Variants in BICC1 observed in about 807,000 individuals in gnomAD.
BICC1 encodes the protein protein bicaudal C homolog 1.
A neutral mutation model predicts 111.0 loss-of-function variants in BICC1; 43 were observed. The observed-to-expected ratio is 0.39, with a 90% CI of 0.30 to 0.50. The LOEUF (loss-of-function observed/expected upper bound fraction) is 0.50, where lower values mean the gene tolerates loss of function less well. BICC1 is among the 20% of genes least tolerant of loss of function. The probability of loss-of-function intolerance (pLI) is 0.88; values close to 1 mark genes in which losing one functional copy is unlikely to be tolerated. For synonymous variants in BICC1, 467 were observed against 434.4 expected, an observed-to-expected ratio of 1.07 and a Z score of -0.93; for missense variants, 1,091 against 1,203.2, an observed-to-expected ratio of 0.91 and a Z score of 1.38.
intron 3 of BICC1, among the ~76,000 whole-genome samples, chr10:58,723,970 C>T (rs1007100837): frequency 6.6e-6 from 1 of 152,186 alleles, no homozygotes; most frequent in African/African-American, 2.4e-5. Context: ...TAATGAATTA[C>T]AACCAAGTAA....
chr10:58,774,711 T>C (rs1420775135), intron 3 of BICC1, among the ~76,000 whole-genome samples: 4 of 152,212 alleles, frequency 2.6e-5, no homozygotes, highest in African/African-American at 9.7e-5. Flanking sequence ...CTGGTTTTTA[T>C]TTCCACCAAA....
At chr10:58,572,538 A>T (rs1843990661) in intron 1 of BICC1, among the ~76,000 whole-genome samples, 1 of 152,120 alleles carries the variant, frequency 6.6e-6, no homozygotes. Context: ...CATTATTTTC[A>T]TGGGGATTTC....
chr10:58,743,581 G>A (rs1013847564), intron 3 of BICC1, among the ~76,000 whole-genome samples: 5 of 151,646 alleles, frequency 3.3e-5, no homozygotes, highest in African/African-American at 1.2e-4. Flanking sequence ...GGAGACAGCA[G>A]CTGTGAAAAC....
intron 3 of BICC1, among the ~76,000 whole-genome samples, chr10:58,707,511 G>A (rs1054650050): frequency 1.3e-5 from 2 of 152,000 alleles, no homozygotes; most frequent in Admixed American, 1.3e-4. Context: ...GAGTGTAAGG[G>A]CATTGTTTGT....
intron 3 of BICC1, among the ~76,000 whole-genome samples, chr10:58,776,922 C>T (rs1842763308): frequency 6.6e-6 from 1 of 152,016 alleles, no homozygotes; most frequent in Non-Finnish European, 1.5e-5. Flanking sequence ...TTTTTCCACC[C>T]TCCGTGTTCC....
chr10:58,654,680 A>C (rs1417748055), intron 2 of BICC1, among the ~76,000 whole-genome samples: 10 of 35,172 alleles, frequency 2.8e-4, no homozygotes, highest in African/African-American at 6.9e-4. Flanking sequence ...GAAGCTCTTT[A>C]GTTTAATTAG....
chr10:58,806,127 T>A (rs1399417369), intron 15 of BICC1, among the ~76,000 whole-genome samples: 1 of 152,172 alleles, frequency 6.6e-6, no homozygotes, highest in Non-Finnish European at 1.5e-5. Context: ...TATCTTGACA[T>A]CATACCACTT....
chr10:58,693,441 C>T (rs1347187071), intron 2 of BICC1, among the ~76,000 whole-genome samples: 2 of 152,196 alleles, frequency 1.3e-5, no homozygotes, highest in Non-Finnish European at 2.9e-5. Flanking sequence ...GCCACACTGA[C>T]TTCCACAATG....
intron 1 of BICC1, among the ~76,000 whole-genome samples, chr10:58,605,687 A>G (rs1227936489): frequency 1.3e-5 from 2 of 152,210 alleles, no homozygotes; most frequent in African/African-American, 2.4e-5. Flanking sequence ...ATGATATGCA[A>G]ATAGTTGTTA....
At chr10:58,775,040 AAC>A (rs1468935322) in intron 3 of BICC1, among the ~76,000 whole-genome samples, 1 of 152,168 alleles carries the variant, frequency 6.6e-6, no homozygotes, top group East Asian at 1.9e-4. Flanking sequence ...TTTTAGAAAA[AAC>A]AGTTTTAAAG....
chr10:58,648,078 C>G (rs1298188683), intron 2 of BICC1, among the ~76,000 whole-genome samples: 1 of 152,028 alleles, frequency 6.6e-6, no homozygotes, highest in African/African-American at 2.4e-5. Context: ...AAAAGATTTT[C>G]GGAAATACAC....
intron 3 of BICC1, among the ~76,000 whole-genome samples, chr10:58,766,399 T>C (rs1300284365): frequency 6.6e-6 from 1 of 152,048 alleles, no homozygotes; most frequent in African/African-American, 2.4e-5. Flanking sequence ...TAGAAGTATG[T>C]GGGAAGGGAG....
chr10:58,684,620 A>C (rs943593428), intron 2 of BICC1, among the ~76,000 whole-genome samples: 1 of 152,228 alleles, frequency 6.6e-6, no homozygotes, highest in Non-Finnish European at 1.5e-5. Flanking sequence ...GTATGTGTCA[A>C]GGAATTTATC....
At chr10:58,695,388 AC>A (rs1840038405) in intron 2 of BICC1, among the ~76,000 whole-genome samples, 1 of 152,168 alleles carries the variant, frequency 6.6e-6, no homozygotes, top group African/African-American at 2.4e-5. Context: ...TGAGGGACAG[AC>A]CTTATTTCTC....
intron 2 of BICC1, among the ~76,000 whole-genome samples, chr10:58,672,314 T>C (rs2132327214): frequency 6.6e-6 from 1 of 152,204 alleles, no homozygotes; most frequent in East Asian, 1.9e-4. Flanking sequence ...CTTACTGGAG[T>C]AAGTCTCTCA....
At chr10:58,613,281 G>A (rs1187509945) in intron 1 of BICC1, among the ~76,000 whole-genome samples, 1 of 152,056 alleles carries the variant, frequency 6.6e-6, no homozygotes, top group African/African-American at 2.4e-5. Context: ...TGGAACATCA[G>A]GCAGACGTTA....
intron 1 of BICC1, among the ~76,000 whole-genome samples, chr10:58,559,766 A>G (rs1843553748): frequency 6.6e-6 from 1 of 151,950 alleles, no homozygotes; most frequent in Non-Finnish European, 1.5e-5. Context: ...CATTCCTTCT[A>G]TGTGTAATTT....
At chr10:58,818,636 T>C (rs1844168484) in intron 19 of BICC1, among the ~76,000 whole-genome samples, 1 of 152,166 alleles carries the variant, frequency 6.6e-6, no homozygotes. Context: ...CATTTTTGTT[T>C]TTTACACTGA....
chr10:58,735,186 G>T (rs566333529), intron 3 of BICC1, among the ~76,000 whole-genome samples: 3 of 152,300 alleles, frequency 2.0e-5, no homozygotes, highest in Admixed American at 6.5e-5. Flanking sequence ...GTGATAGACT[G>T]TTCTTTTCAT....
Sources: gnomAD v4.1 joint callset for allele counts (sites outside exome capture counted in the v4.1 genomes callset) on GRCh38, gnomAD v4.1.1 for gene constraint, MANE v1.5 for transcripts, NCBI Gene and HGNC (gene_info 2026-07-23, HGNC 2026-07-21) for gene names.